METTL13: variants seen among roughly 807,000 people sequenced by gnomAD.
METTL13 encodes methyltransferase 13, eEF1A N-terminus and K55.
A neutral mutation model predicts 67.4 loss-of-function variants in METTL13; 52 were observed. The observed-to-expected ratio is 0.77, with a 90% CI of 0.62 to 0.97. METTL13 has a LOEUF of 0.97. METTL13 is among the 50% of genes least tolerant of loss of function. The pLI, the probability that METTL13 is intolerant of heterozygous loss-of-function variation, is 0.00. For missense variants in METTL13, 825 were observed against 889.6 expected, an observed-to-expected ratio of 0.93 and a Z score of 0.92; for synonymous variants, 354 against 353.6, an observed-to-expected ratio of 1.00 and a Z score of -0.01.
Position 171,797,459 on chromosome 1 carries a change from C to T in METTL13, c.*703C>T, listed in dbSNP as rs546413443. 6.6e-6 allele frequency: 1 copy of T among 152,406 alleles called. No individual in the cohort carries two copies. Among genetic ancestry groups the T allele is most frequent in the African/African-American group, 2.4e-5 (1 of 41,568 alleles). 9.4% of individuals were successfully genotyped at this position (152,406 alleles called of 1,614,324 possible). ...AAAGTCTCTAGTGTTTGTTTGCTCA[C>T]ATTTGCTGAGTGACAGCTATGTGCC... On this transcript the variant is annotated 3_prime_UTR_variant, in exon 8 of 8. Coordinates refer to ENST00000361735, the MANE Select transcript of METTL13 (RefSeq NM_015935.5).
In METTL13 at chr1:171,781,692, T is replaced by C. The variant is rs1656821338; in HGVS notation, c.-276T>C. The C allele has an allele frequency of 3.8e-6, 4 of 1,049,264 alleles. No homozygotes were observed. In the South Asian group the frequency reaches 6.9e-5, roughly 18 times the overall value. The allele number at this position is 1,049,264 out of a possible 1,614,324, so 65.0% of individuals were successfully genotyped here. On this transcript the variant is annotated 5_prime_UTR_variant, in exon 1 of 8. Coordinates refer to ENST00000361735, the MANE Select transcript of METTL13 (RefSeq NM_015935.5). ...TATGGTTATGGGCTCGGAAATCTAG[T>C]TCGGGAAAAGTGTGAGGGGCTCTTC...
chr1:171,789,189 T>C (rs1283712937), intron 4 of METTL13, among the ~76,000 whole-genome samples: 2 of 152,190 alleles, frequency 1.3e-5, no homozygotes, highest in Non-Finnish European at 2.9e-5. Context: ...CATGGGAGTA[T>C]TGGTGAGCAA....
At position 171,781,708 on chromosome 1, in the gene METTL13, G is replaced by C; in HGVS notation, c.-260G>C. On this transcript the variant is annotated 5_prime_UTR_variant, in exon 1 of 8. Coordinates refer to ENST00000361735, the MANE Select transcript of METTL13 (RefSeq NM_015935.5). ...GAAATCTAGTTCGGGAAAAGTGTGA[G>C]GGGCTCTTCACGTGGGGAAGGAACA... 1 of 1,177,550 alleles carries C rather than the reference G, an allele frequency of 8.5e-7. No individual in the cohort carries two copies. The highest frequency in any genetic ancestry group is 1.1e-6 in the Non-Finnish European group (1 of 912,760). The allele number at this position is 1,177,550 out of a possible 1,614,324, so 72.9% of individuals were successfully genotyped here.
chr1:171,781,866 C>A lies in METTL13; in HGVS notation c.-102C>A. On this transcript the variant is annotated 5_prime_UTR_variant, in exon 1 of 8. Transcript: ENST00000361735. ...GGCTGTTTTTCCGTGGAAAGAATTC[C>A]CACTGCAGTGTCCCGGAGCCTGCGT... is the stretch of plus-strand genomic sequence containing the variant. 6.5e-7 allele frequency: 1 copy of A among 1,543,004 alleles called. No homozygotes were observed. Among genetic ancestry groups the A allele is most frequent in the South Asian group, 1.3e-5 (1 of 79,194 alleles).
chr1:171,787,347 T>C lies in METTL13; in HGVS notation c.1114-388T>C, dbSNP rs187884692. Among the ~76,000 whole-genome samples the C allele has an allele frequency of 4.4e-4, 67 of 152,310 alleles. 1 individual carries two copies. The highest frequency in any genetic ancestry group is 8.8e-5 in the Non-Finnish European group (6 of 68,034). On this transcript the variant is annotated intron_variant, in intron 3 of 7. Coordinates refer to ENST00000361735, the MANE Select transcript of METTL13 (RefSeq NM_015935.5). ...TGGTTGTTTCTCCCATGGATTTTGT[T>C]ATCTTTATTCTTGTGTAGATTCCTT...
At chr1:171,782,200 C>T in intron 1 of METTL13, 80 bp downstream of exon 1, 1 of 1,254,306 alleles carries the variant, frequency 8.0e-7, no homozygotes, top group Admixed American at 1.8e-5. Context: ...ACTTGGTGGA[C>T]AGTGACAGGC....
chr1:171,783,798 A>T lies in METTL13; in HGVS notation c.212A>T (p.Tyr71Phe), dbSNP rs771013492. The change falls in exon 2 of 8, where the codon TAT (tyrosine) becomes TTT (phenylalanine). Residue 71 changes from tyrosine to phenylalanine, a missense_variant. By Grantham distance (22) the Tyr-to-Phe change is conservative. Transcript: ENST00000361735. ...AGTGAGCAACTGTATGATGTGGGCT[A>T]TCGGGATATAGTGAACATCGACATC... ...ELSEQLYDVG[Y>F]RDIVNIDISE... is the part of the protein sequence containing the mutation. 2.4e-5 allele frequency: 38 copies of T among 1,614,144 alleles called. No individual in the cohort carries two copies. The highest frequency in any genetic ancestry group is 4.5e-5 in the East Asian group (2 of 44,874).
intron 5 of METTL13, among the ~76,000 whole-genome samples, chr1:171,791,580 G>A (rs528988495): frequency 3.9e-5 from 6 of 152,154 alleles, no homozygotes; most frequent in East Asian, 1.9e-4. Context: ...AGGCTCCCAC[G>A]TCAGCTTACC....
intron 1 of METTL13, among the ~76,000 whole-genome samples, chr1:171,783,338 T>C (rs1409224601): frequency 1.3e-5 from 2 of 152,202 alleles, no homozygotes; most frequent in Non-Finnish European, 1.5e-5. Flanking sequence ...CTTTATTGTC[T>C]AAAGGAGCCA....
chr1:171,796,055 C>T (rs1379848111), intron 7 of METTL13, among the ~76,000 whole-genome samples: 2 of 151,866 alleles, frequency 1.3e-5, no homozygotes, highest in African/African-American at 2.4e-5. Flanking sequence ...TTAGTAGAGC[C>T]GGGGTTTCAC....
chr1:171,787,738 C>T lies in METTL13; in HGVS notation c.1117C>T (p.Pro373Ser). The stretch of plus-strand genomic sequence containing the variant: ...ACATCTCTGGTTGTACCTTCAGGTC[C>T]CCTTTCTGTCTGTGGGTGGGGACAT... ...PAGMPTQQQV[P>S]FLSVGGDIGV... The change falls in exon 4 of 8, where the codon CCC (proline) becomes TCC (serine). Residue 373 changes from proline to serine, a missense_variant. Physicochemically the swap from Pro to Ser is moderately conservative, Grantham distance 74. Coordinates refer to ENST00000361735, the MANE Select transcript of METTL13 (RefSeq NM_015935.5). The T allele has an allele frequency of 6.2e-7, 1 of 1,610,280 alleles. No individual in the cohort carries two copies. Among genetic ancestry groups the T allele is most frequent in the Non-Finnish European group, 8.5e-7 (1 of 1,176,948 alleles).
intron 4 of METTL13, 146 bp from the exon 5 acceptor site, chr1:171,790,306 G>C: frequency 1.4e-6 from 1 of 696,988 alleles, no homozygotes; most frequent in Non-Finnish European, 2.2e-6. Flanking sequence ...CCAGTTTCAA[G>C]CTATCAACAT....
chr1:171,788,910 C>T (rs1657111871), intron 4 of METTL13, among the ~76,000 whole-genome samples: 1 of 152,160 alleles, frequency 6.6e-6, no homozygotes, highest in Non-Finnish European at 1.5e-5. Context: ...CATAGACTGG[C>T]TCTGAGCCTA....
intron 4 of METTL13, 46 bp from the exon 5 acceptor site, chr1:171,790,406 C>T: frequency 6.9e-7 from 1 of 1,448,900 alleles, no homozygotes; most frequent in Non-Finnish European, 9.1e-7. Context: ...CCCTTGCTTC[C>T]TGAGGACTAG....
At position 171,796,870 on chromosome 1, in the gene METTL13, A is replaced by G; in HGVS notation, c.*114A>G. Reference sequence around the variant, plus strand: ...GAAGCTTCGTATTTTTCTTGGTTTCACACTCAGCTACATGTGACCTCCAGC... The same window carrying G: ...GAAGCTTCGTATTTTTCTTGGTTTCGCACTCAGCTACATGTGACCTCCAGC... On this transcript the variant is annotated 3_prime_UTR_variant, in exon 8 of 8. Transcript: ENST00000361735. 3 of 1,358,320 alleles carry G rather than the reference A, an allele frequency of 2.2e-6. No homozygotes were observed. Among genetic ancestry groups the G allele is most frequent in the Non-Finnish European group, 3.0e-6 (3 of 1,005,482 alleles). 84.1% of individuals were successfully genotyped at this position (1,358,320 alleles called of 1,614,324 possible).
At chr1:171,784,729 G>A (rs1183824399) in intron 2 of METTL13, among the ~76,000 whole-genome samples, 1 of 152,346 alleles carries the variant, frequency 6.6e-6, no homozygotes, top group South Asian at 2.1e-4. Flanking sequence ...CTTTTCATCT[G>A]CCATTGCAAA....
intron 1 of METTL13, among the ~76,000 whole-genome samples, chr1:171,782,433 T>C (rs1656858008): frequency 1.3e-5 from 2 of 151,624 alleles, no homozygotes. Context: ...CCGGGCGTGG[T>C]GGCGCGCATC....
chr1:171,781,672 T>G lies in METTL13; in HGVS notation c.-296T>G. The G allele has an allele frequency of 1.2e-6, 1 of 846,448 alleles. No homozygotes were observed. Among genetic ancestry groups the G allele is most frequent in the Non-Finnish European group, 1.6e-6 (1 of 643,552 alleles). 52.4% of individuals were successfully genotyped at this position (846,448 alleles called of 1,614,324 possible). On this transcript the variant is annotated 5_prime_UTR_variant, in exon 1 of 8. Coordinates refer to ENST00000361735, the MANE Select transcript of METTL13 (RefSeq NM_015935.5). Reference sequence around the variant, plus strand: ...CACGAGGCTTCGCACCCGGATATGGTTATGGGCTCGGAAATCTAGTTCGGG... The same window carrying G: ...CACGAGGCTTCGCACCCGGATATGGGTATGGGCTCGGAAATCTAGTTCGGG...
rs369140926 is a variant in METTL13 at position 171,792,202 on chromosome 1, G to A, written c.1660G>A (p.Asp554Asn). ...RMKVHIADGL[D>N]YIASLAGGGE... ...GAAGGTCCACATTGCAGATGGCCTG[G>A]ACTATATCGCCAGCTTGGCAGGAGG... Residue 554 changes from aspartate (D) to asparagine (N), a missense_variant, in exon 6 of 8, where the codon GAC becomes AAC. Transcript: ENST00000361735. The A allele has an allele frequency of 9.9e-6, 16 of 1,614,208 alleles. No individual in the cohort carries two copies. Among genetic ancestry groups the A allele is most frequent in the Non-Finnish European group, 1.0e-5 (12 of 1,180,042 alleles).
Sources: allele counts gnomAD v4.1 joint callset (sites outside exome capture counted in the v4.1 genomes callset), GRCh38; gene constraint gnomAD v4.1.1; transcripts MANE v1.5; gene names NCBI Gene and HGNC (gene_info 2026-07-23, HGNC 2026-07-21).